The following ATG12 variants were observed in gnomAD, a reference collection of about 807,000 sequenced individuals.
ATG12 encodes the protein autophagy related 12.
In ATG12, 19 loss-of-function variants were observed where a neutral mutation model predicts 17.6. That is an observed-to-expected ratio of 1.08 (90% confidence interval 0.75 to 1.58). ATG12 has a LOEUF of 1.58. ATG12 is among the 40% of genes most tolerant of loss of function. The probability of loss-of-function intolerance (pLI) is 0.00; values close to 1 mark genes in which losing one functional copy is unlikely to be tolerated. For missense variants in ATG12, 214 were observed against 162.0 expected, an observed-to-expected ratio of 1.32 and a Z score of -1.74; for synonymous variants, 75 against 62.4, an observed-to-expected ratio of 1.20 and a Z score of -0.95.
chr5:115,841,423 T>C lies in ATG12; in HGVS notation c.130A>G (p.Thr44Ala). ...PPSSAAVSPG[T>A]EEPAGDTKKK... ...TTGGTGTCGCCAGCAGGTTCCTCTG[T>C]TCCCGGGGAAACTGCAGCGGAAGAC... The change falls in exon 1 of 4, where the codon ACA becomes GCA. Residue 44 changes from threonine (T) to alanine (A), a missense_variant. Transcript: ENST00000509910. 6.2e-7 allele frequency: 1 copy of C among 1,610,150 alleles called. No individual in the cohort carries two copies. The highest frequency in any genetic ancestry group is 8.5e-7 in the Non-Finnish European group (1 of 1,179,076).
Position 115,841,509 on chromosome 5 carries a change from A to G in ATG12, c.44T>C (p.Ile15Thr). 1 of 1,612,274 alleles carries G rather than the reference A, an allele frequency of 6.2e-7. No homozygotes were observed. Residue 15 changes from isoleucine to threonine, a missense_variant, in exon 1 of 4, where the codon ATT becomes ACT. Coordinates refer to ENST00000509910, the MANE Select transcript of ATG12 (RefSeq NM_004707.4). ...PQSVLQLPTS[I>T]AAGGEGLTDV... ...CGTAAGTCCTTCCCCTCCAGCAGCA[A>G]TTGAAGTAGGAAGCTGCAACACAGA...
chr5:115,835,804 A>T (rs575350633), intron 2 of ATG12, among the ~76,000 whole-genome samples: 63 of 152,280 alleles, frequency 4.1e-4, no homozygotes, highest in African/African-American at 1.4e-3. Context: ...TTCTTTCAGC[A>T]CAGATGCTGA....
chr5:115,830,625 C>T lies in ATG12; in HGVS notation c.*1179G>A, dbSNP rs1342214633. 1.3e-5 allele frequency: 2 copies of T among 152,094 alleles called. No individual in the cohort carries two copies. The highest frequency in any genetic ancestry group is 2.9e-5 in the Non-Finnish European group (2 of 68,030). 9.4% of individuals were successfully genotyped at this position (152,094 alleles called of 1,614,324 possible). A position where few individuals can be genotyped will look rare whatever the true frequency, so the allele number is the denominator to read the frequency against. On this transcript the variant is annotated 3_prime_UTR_variant, in exon 4 of 4. Coordinates refer to ENST00000509910, the MANE Select transcript of ATG12 (RefSeq NM_004707.4). Reference sequence around the variant, plus strand: ...TGGTACAATCACGACTCACTATACCCTTGAACTTCTGGGCTCAGGGGATCC... The same window carrying T: ...TGGTACAATCACGACTCACTATACCTTTGAACTTCTGGGCTCAGGGGATCC...
chr5:115,835,833 GT>G (rs1761074120), intron 2 of ATG12, among the ~76,000 whole-genome samples: 1 of 152,126 alleles, frequency 6.6e-6, no homozygotes, highest in South Asian at 2.1e-4. Flanking sequence ...AGGTCCTGTG[GT>G]TGCTGGTGGT....
In ATG12 at chr5:115,830,463, A is replaced by G. The variant is rs977621572; in HGVS notation, c.*1341T>C. ...TCCATACTCATTTAACTTTAAAATGATATTACTTTGAATTCTACTACATAC... is the reference window on the plus strand; with the variant it reads ...TCCATACTCATTTAACTTTAAAATGGTATTACTTTGAATTCTACTACATAC... On this transcript the variant is annotated 3_prime_UTR_variant, in exon 4 of 4. Coordinates refer to ENST00000509910, the MANE Select transcript of ATG12 (RefSeq NM_004707.4). The G allele has an allele frequency of 1.3e-5, 2 of 152,180 alleles. No individual in the cohort carries two copies. Among genetic ancestry groups the G allele is most frequent in the Non-Finnish European group, 2.9e-5 (2 of 68,040 alleles). The allele number at this position is 152,180 out of a possible 1,614,324, so 9.4% of individuals were successfully genotyped here. A position where few individuals can be genotyped will look rare whatever the true frequency, so the allele number is the denominator to read the frequency against.
rs963816373 is a variant in ATG12, at chr5:115,831,575, T to TG, written c.*228dup. ...CAATAATAGTAACAAGTAGGAGCAA[T>TG]GGGTGTACTATCATGACCATCTTTT... is the stretch of plus-strand genomic sequence containing the variant. On this transcript the variant is annotated 3_prime_UTR_variant, in exon 4 of 4. Transcript: ENST00000509910. 4 of 576,440 alleles carry TG rather than the reference T, an allele frequency of 6.9e-6. No homozygotes were observed. The highest frequency in any genetic ancestry group is 1.2e-5 in the Non-Finnish European group (4 of 326,994). The allele number at this position is 576,440 out of a possible 1,614,324, so 35.7% of individuals were successfully genotyped here.
intron 2 of ATG12, 107 bp from the exon 3 acceptor site, chr5:115,832,771 G>A (rs951821264): frequency 5.4e-6 from 6 of 1,115,434 alleles, no homozygotes; most frequent in Middle Eastern, 2.1e-4. Context: ...CACAATTGAA[G>A]AAAGCTTCTC....
At chr5:115,839,142 T>A (rs1017679312) in intron 1 of ATG12, 14 of 128,722 alleles carry the variant, frequency 1.1e-4, no homozygotes, top group South Asian at 2.4e-4. Context: ...AAAAAAAAAA[T>A]CTACAGTCAA....
chr5:115,840,972 A>G, intron 1 of ATG12: 1 of 1,023,076 alleles, frequency 9.8e-7, no homozygotes, highest in Non-Finnish European at 1.3e-6. Flanking sequence ...GTTAAGTTGG[A>G]AGGCATGAAT....
intron 2 of ATG12, 64 bp from the exon 3 acceptor site, chr5:115,832,728 C>G: frequency 7.2e-7 from 1 of 1,379,538 alleles, no homozygotes; most frequent in South Asian, 1.6e-5. Flanking sequence ...CATTTTTCTG[C>G]ATTCCAATCA....
chr5:115,832,571 C>CT (rs35310189), intron 3 of ATG12, 31 bp downstream of exon 3: 13,185 of 801,082 alleles, frequency 0.016, 419 homozygotes, highest in African/African-American at 0.055. Flanking sequence ...TAATTTCTTT[C>CT]TTTTTTTTTT....
At chr5:115,836,738 G>C (rs1761118906) in intron 2 of ATG12, among the ~76,000 whole-genome samples, 1 of 152,084 alleles carries the variant, frequency 6.6e-6, no homozygotes, top group African/African-American at 2.4e-5. Flanking sequence ...TACTATCCAA[G>C]ATTGTGATCT....
chr5:115,834,180 G>A (rs552722272), intron 2 of ATG12: 2 of 152,220 alleles, frequency 1.3e-5, no homozygotes, highest in African/African-American at 4.8e-5. Context: ...AGGAGACAAA[G>A]AGTAAGATGG....
At chr5:115,835,443 C>T (rs1489013985) in intron 2 of ATG12, among the ~76,000 whole-genome samples, 4 of 152,086 alleles carry the variant, frequency 2.6e-5, no homozygotes, top group South Asian at 2.1e-4. Context: ...CTATTCAAAA[C>T]GATGGAGGCC....
rs1299275948 is a variant in ATG12 at position 115,828,601 on chromosome 5, C to T, written c.*3203G>A. The T allele has an allele frequency of 6.6e-6, 1 of 152,148 alleles. No individual in the cohort carries two copies. The highest frequency in any genetic ancestry group is 1.5e-5 in the Non-Finnish European group (1 of 68,012). 9.4% of individuals were successfully genotyped at this position (152,148 alleles called of 1,614,324 possible). ...AAACAAATTCTTCATATACTTAAGA[C>T]ATTAAAAACACTGTCATATGTTGCA... On this transcript the variant is annotated 3_prime_UTR_variant, in exon 4 of 4. Coordinates refer to ENST00000509910, the MANE Select transcript of ATG12 (RefSeq NM_004707.4).
chr5:115,839,294 C>G (rs1304587574), intron 1 of ATG12: 1 of 142,918 alleles, frequency 7.0e-6, no homozygotes, highest in South Asian at 2.3e-4. Flanking sequence ...AAGTTTACTC[C>G]TGGAATGAAC....
Position 115,831,809 on chromosome 5 carries a change from C to G in ATG12, c.418G>C (p.Gly140Arg). 6.2e-7 allele frequency: 1 copy of G among 1,612,174 alleles called. No homozygotes were observed. The highest frequency in any genetic ancestry group is 8.5e-7 in the Non-Finnish European group (1 of 1,179,378). ...AAGTTGATTTTCTTTGTGGTTCATC[C>G]CCACGCCTGAGACTTGCAGTAATGT... Reference protein sequence around the residue: ...VLHYCKSQAWG With the variant: ...VLHYCKSQAWR Residue 140 changes from glycine to arginine, a missense_variant, in exon 4 of 4, where the codon GGA becomes CGA. Physicochemically the swap from Gly to Arg is moderately radical, Grantham distance 125. Transcript: ENST00000509910.
chr5:115,829,086 T>A lies in ATG12; in HGVS notation c.*2718A>T, dbSNP rs1430129395. The A allele has an allele frequency of 2.0e-5, 3 of 152,212 alleles. No homozygotes were observed. Among genetic ancestry groups the A allele is most frequent in the African/African-American group, 7.2e-5 (3 of 41,452 alleles). The allele number at this position is 152,212 out of a possible 1,614,324, so 9.4% of individuals were successfully genotyped here. The stretch of plus-strand genomic sequence containing the variant: ...GGTTAAATAATGTAGGCAGAGTATT[T>A]ATATAAATACGATTTGAACTGTATT... On this transcript the variant is annotated 3_prime_UTR_variant, in exon 4 of 4. Coordinates refer to ENST00000509910, the MANE Select transcript of ATG12 (RefSeq NM_004707.4).
intron 1 of ATG12, chr5:115,840,945 G>T (rs918099068): frequency 8.1e-7 from 1 of 1,229,812 alleles, no homozygotes; most frequent in Non-Finnish European, 1.1e-6. Context: ...CTGGGAGGGG[G>T]AAAAAAGCAA....
Sources: gnomAD v4.1 joint callset for allele counts (sites outside exome capture counted in the v4.1 genomes callset) on GRCh38, gnomAD v4.1.1 for gene constraint, MANE v1.5 for transcripts, NCBI Gene and HGNC (gene_info 2026-07-23, HGNC 2026-07-21) for gene names.